SH3BP4: variants seen among roughly 807,000 people sequenced by gnomAD.
SH3BP4 encodes the protein SH3 domain binding protein 4, also known as SH3 domain-binding protein 4.
A neutral mutation model predicts 65.5 loss-of-function variants in SH3BP4; 33 were observed. The ratio of observed to expected loss-of-function variants is 0.50; its 90% CI spans 0.38 to 0.67. The LOEUF is 0.67. Among genes scored for constraint, SH3BP4 ranks in the 30% least tolerant of loss-of-function variants. The pLI, the probability that SH3BP4 is intolerant of heterozygous loss-of-function variation, is 0.00. For synonymous variants in SH3BP4, 552 were observed against 545.5 expected, an observed-to-expected ratio of 1.01 and a Z score of -0.17; for missense variants, 1,134 against 1,261.4, an observed-to-expected ratio of 0.90 and a Z score of 1.53.
chr2:235,053,147 CG>C (rs1696116361), intron 5 of SH3BP4, among the ~76,000 whole-genome samples: 1 of 152,176 alleles, frequency 6.6e-6, no homozygotes, highest in Admixed American at 6.5e-5. Flanking sequence ...CCGGTGTGGC[CG>C]GGCTCTTGCT....
chr2:235,005,924 T>C lies in SH3BP4; in HGVS notation c.-133+10548T>C, dbSNP rs116028788. Among the ~76,000 whole-genome samples, 1,006 of 152,298 alleles carry C rather than the reference T, an allele frequency of 6.6e-3. 19 individuals are homozygous for C. Among genetic ancestry groups the C allele is most frequent in the African/African-American group, 0.023 (946 of 41,560 alleles). On this transcript the variant is annotated intron_variant, in intron 2 of 5. Coordinates refer to ENST00000392011, the MANE Select transcript of SH3BP4 (RefSeq NM_014521.3). ...AGCCAAGCACTCTTAGCTCCTGCAA[T>C]TGGAATCCCGCTCTTGCGTGCCCGC...
intron 3 of SH3BP4, among the ~76,000 whole-genome samples, chr2:235,037,651 G>A (rs867917355): frequency 1.3e-5 from 2 of 152,088 alleles, no homozygotes; most frequent in South Asian, 2.1e-4. Flanking sequence ...TTTGATGGCC[G>A]GCAAGCTCTA....
At chr2:235,012,466 T>C (rs1423753456) in intron 2 of SH3BP4, among the ~76,000 whole-genome samples, 1 of 152,210 alleles carries the variant, frequency 6.6e-6, no homozygotes, top group Non-Finnish European at 1.5e-5. Context: ...GTTTGGATCA[T>C]TGTACATCCC....
chr2:234,981,191 T>G (rs1013987376), intron 1 of SH3BP4, among the ~76,000 whole-genome samples: 1 of 152,226 alleles, frequency 6.6e-6, no homozygotes, highest in African/African-American at 2.4e-5. Flanking sequence ...AATTACACTT[T>G]TGCGGCATTC....
chr2:234,999,088 G>A (rs1234300441), intron 2 of SH3BP4, among the ~76,000 whole-genome samples: 1 of 152,228 alleles, frequency 6.6e-6, no homozygotes, highest in Admixed American at 6.5e-5. Context: ...CGCTGCAAAT[G>A]CACGTTGGTG....
Position 235,041,429 on chromosome 2 carries a change from T to TC in SH3BP4, c.662dup (p.Val222SerfsTer104). The stretch of plus-strand genomic sequence containing the variant: ...GCACTGGCAACATCTTCGATGAGCT[T>TC]CCAGTCACAAACGGACTCCACGCAG... On this transcript the variant is annotated frameshift_variant, in exon 4 of 6. Coordinates refer to ENST00000392011, the MANE Select transcript of SH3BP4 (RefSeq NM_014521.3). LOFTEE classifies it high-confidence loss of function. The surrounding 1 kb of genome is among the most constrained non-coding windows in gnomAD (Gnocchi z 6.0). The TC allele has an allele frequency of 6.2e-7, 1 of 1,614,118 alleles. No individual in the cohort carries two copies. Among genetic ancestry groups the TC allele is most frequent in the Non-Finnish European group, 8.5e-7 (1 of 1,180,022 alleles).
rs146991872 is a variant in SH3BP4 at position 234,964,590 on chromosome 2, T to G, written c.-207+12420T>G. Among the ~76,000 whole-genome samples the G allele has an allele frequency of 5.3e-4, 80 of 152,114 alleles. No individual in the cohort carries two copies. The South Asian group carries it at 0.01, about 19-fold the overall frequency. ...AGAAGCCCCACTAAGTAGGGGGACC[T>G]GAAGAATGAGCAGGCCAGGAAGTGC... On this transcript the variant is annotated intron_variant, in intron 1 of 5. Transcript: ENST00000392011.
chr2:235,034,178 A>T lies in SH3BP4; in HGVS notation c.-132-693A>T, dbSNP rs1053784797. 6.6e-6 allele frequency among the ~76,000 whole-genome samples: 1 copy of T among 152,096 alleles called. No homozygotes were observed. The highest frequency in any genetic ancestry group is 2.4e-5 in the African/African-American group (1 of 41,424). On this transcript the variant is annotated intron_variant, in intron 2 of 5. Transcript: ENST00000392011. The surrounding 1 kb of genome is among the most constrained non-coding windows in gnomAD (Gnocchi z 6.2). The stretch of plus-strand genomic sequence containing the variant: ...GCGCCCTTCCAGAAAAAAAAAGCAG[A>T]GGCCTTAGGGGTGATTCTTGTGGTC...
At chr2:235,032,575 C>G (rs1695238944) in intron 2 of SH3BP4, among the ~76,000 whole-genome samples, 1 of 152,190 alleles carries the variant, frequency 6.6e-6, no homozygotes, top group Non-Finnish European at 1.5e-5. Context: ...ACACGTGGCC[C>G]TTGCATTTCG....
At chr2:235,050,155 C>G (rs1696002196) in intron 4 of SH3BP4, among the ~76,000 whole-genome samples, 1 of 151,872 alleles carries the variant, frequency 6.6e-6, no homozygotes, top group Non-Finnish European at 1.5e-5. Context: ...TCGCTCTGTC[C>G]CCTAGGCTGG....
At chr2:234,962,838 G>A (rs1372854979) in intron 1 of SH3BP4, among the ~76,000 whole-genome samples, 1 of 151,782 alleles carries the variant, frequency 6.6e-6, no homozygotes, top group Non-Finnish European at 1.5e-5. Flanking sequence ...CGATTCTCCC[G>A]CCTCAGCCTC....
intron 1 of SH3BP4, among the ~76,000 whole-genome samples, chr2:234,988,291 C>T (rs1446770655): frequency 1.3e-5 from 2 of 152,118 alleles, no homozygotes; most frequent in African/African-American, 2.4e-5. Context: ...GATCTCCTGA[C>T]CTCATGATCT....
At chr2:234,999,286 T>A (rs1694025580) in intron 2 of SH3BP4, among the ~76,000 whole-genome samples, 1 of 152,198 alleles carries the variant, frequency 6.6e-6, no homozygotes, top group Non-Finnish European at 1.5e-5. Context: ...ACAGGAGGGA[T>A]TTTTAACATA....
chr2:234,963,087 G>T (rs1355437708), intron 1 of SH3BP4, among the ~76,000 whole-genome samples: 1 of 152,110 alleles, frequency 6.6e-6, no homozygotes, highest in East Asian at 1.9e-4. Flanking sequence ...ATCTAAAATT[G>T]TTGACATATT....
At chr2:235,032,898 G>A (rs1326926514) in intron 2 of SH3BP4, among the ~76,000 whole-genome samples, 1 of 152,222 alleles carries the variant, frequency 6.6e-6, no homozygotes, top group Non-Finnish European at 1.5e-5. Context: ...TAAGCACACA[G>A]ACCTGACCGT....
At chr2:234,971,318 GC>G (rs1692994298) in intron 1 of SH3BP4, among the ~76,000 whole-genome samples, 4 of 152,286 alleles carry the variant, frequency 2.6e-5, no homozygotes, top group Admixed American at 2.6e-4. Flanking sequence ...CCATGCTGTG[GC>G]CTATCATGTT....
At chr2:235,020,147 G>A (rs1243775387) in intron 2 of SH3BP4, among the ~76,000 whole-genome samples, 1 of 152,092 alleles carries the variant, frequency 6.6e-6, no homozygotes, top group Non-Finnish European at 1.5e-5. Context: ...TGTAGGAATG[G>A]GTGTCTTTAA....
chr2:235,042,790 T>A lies in SH3BP4; in HGVS notation c.2021T>A (p.Leu674Gln). ...GTGCGGCAGAACAAGAACCACTACC[T>A]GCTGGAGTACAAGAAGGGCGACGGG... ...TVVRQNKNHY[L>Q]LEYKKGDGIA... Residue 674 changes from leucine (L) to glutamine (Q), a missense_variant, in exon 4 of 6, where the codon CTG becomes CAG. Leu to Gln is a moderately radical substitution (Grantham distance 113). Coordinates refer to ENST00000392011, the MANE Select transcript of SH3BP4 (RefSeq NM_014521.3). This position sits in a 1 kb window ranked among gnomAD's most constrained non-coding sequence, Gnocchi z 7.3. 3 of 1,614,164 alleles carry A rather than the reference T, an allele frequency of 1.9e-6. No individual in the cohort carries two copies. The highest frequency in any genetic ancestry group is 2.5e-6 in the Non-Finnish European group (3 of 1,180,036).
chr2:234,965,062 T>C (rs1337063931), intron 1 of SH3BP4, among the ~76,000 whole-genome samples: 3 of 152,190 alleles, frequency 2.0e-5, no homozygotes, highest in African/African-American at 7.2e-5. Context: ...TATAAAATTG[T>C]CTCTGATTAA....
Sources: gnomAD v4.1 joint callset for allele counts (sites outside exome capture counted in the v4.1 genomes callset) on GRCh38, gnomAD v4.1.1 for gene constraint, Gnocchi (gnomAD v3.1) non-coding constraint, MANE v1.5 for transcripts, NCBI Gene and HGNC (gene_info 2026-07-23, HGNC 2026-07-21) for gene names.